MME: variants seen among roughly 807,000 people sequenced by gnomAD.
The protein encoded by MME is membrane metalloendopeptidase.
A neutral mutation model predicts 113.2 loss-of-function variants in MME; 98 were observed. The ratio of observed to expected loss-of-function variants is 0.87; its 90% CI spans 0.74 to 1.02. The LOEUF is 1.02. Among genes scored for constraint, MME ranks in the 50% least tolerant of loss-of-function variants. The pLI is 0.00. For missense variants in MME, 836 were observed against 896.0 expected, an observed-to-expected ratio of 0.93 and a Z score of 0.86; for synonymous variants, 292 against 300.6, an observed-to-expected ratio of 0.97 and a Z score of 0.30.
chr3:155,178,288 G>T (rs1019984073), intron 22 of MME, among the ~76,000 whole-genome samples: 5 of 152,248 alleles, frequency 3.3e-5, no homozygotes, highest in Admixed American at 2.6e-4. Flanking sequence ...AAAGATAGGA[G>T]AGTTGTGGTG....
At chr3:155,169,012 AGCC>A (rs1711616931) in intron 20 of MME, 5 of 518,426 alleles carry the variant, frequency 9.6e-6, no homozygotes, top group Admixed American at 3.4e-5. Context: ...GTTTGCAAAG[AGCC>A]AAGAAGAAGA....
chr3:155,089,975 G>A (rs886209926), intron 3 of MME: 24 of 330,076 alleles, frequency 7.3e-5, no homozygotes, highest in Admixed American at 6.4e-4. Flanking sequence ...AAAAGAAAAA[G>A]ACAACAGAGA....
chr3:155,079,639 T>TGGGGGGGGGGGGGGGG (rs1253428536), upstream of MME: 1 of 89,842 alleles, frequency 1.1e-5, no homozygotes, highest in Non-Finnish European at 2.1e-5. Context: ...GTGGGGGGGG[T>TGGGGGGGGGGGGGGGG]GGGCCGTGAG....
upstream of MME, among the ~76,000 whole-genome samples, chr3:155,074,782 G>GAT (rs1164325886): frequency 1.3e-5 from 2 of 151,966 alleles, no homozygotes; most frequent in East Asian, 3.9e-4. Context: ...ACAATTTCTA[G>GAT]ATATATATGT....
chr3:155,114,359 CAT>C (rs1181269694), intron 3 of MME, among the ~76,000 whole-genome samples: 1 of 152,136 alleles, frequency 6.6e-6, no homozygotes, highest in African/African-American at 2.4e-5. Context: ...GCATTTTCAT[CAT>C]AGTCCTGAAA....
At chr3:155,077,213 A>G (rs1028758442), upstream of MME, among the ~76,000 whole-genome samples, 11 of 152,188 alleles carry the variant, frequency 7.2e-5, no homozygotes, top group African/African-American at 2.4e-4. Flanking sequence ...GTGCATATAA[A>G]AATGCACTAT....
Position 155,183,390 on chromosome 3 carries a change from C to T in MME, c.*2931C>T, listed in dbSNP as rs552089065. 1 of 152,164 alleles carries T rather than the reference C, an allele frequency of 6.6e-6. No individual in the cohort carries two copies. The highest frequency in any genetic ancestry group is 2.1e-4 in the South Asian group (1 of 4,830). 9.4% of individuals were successfully genotyped at this position (152,164 alleles called of 1,614,324 possible). ...TGTCTCCCAGTTATGAATCAGTGGG[C>T]AGGATAAACTGAAAACTCCCATTTA... is the stretch of plus-strand genomic sequence containing the variant. On this transcript the variant is annotated 3_prime_UTR_variant, in exon 23 of 23. Coordinates refer to ENST00000360490, the MANE Select transcript of MME (RefSeq NM_007289.4).
At chr3:155,143,875 T>C (rs1721311200) in intron 13 of MME, among the ~76,000 whole-genome samples, 1 of 152,126 alleles carries the variant, frequency 6.6e-6, no homozygotes, top group Non-Finnish European at 1.5e-5. Context: ...TCTTCTATTA[T>C]CAAAATTGCC....
intron 8 of MME, among the ~76,000 whole-genome samples, chr3:155,128,489 G>T (rs1719870162): frequency 6.6e-6 from 1 of 152,098 alleles, no homozygotes; most frequent in African/African-American, 2.4e-5. Context: ...TTCAGTAGAG[G>T]AGTTATAAAT....
At chr3:155,178,129 C>A (rs1014185526) in intron 22 of MME, among the ~76,000 whole-genome samples, 3 of 152,154 alleles carry the variant, frequency 2.0e-5, no homozygotes, top group Non-Finnish European at 4.4e-5. Flanking sequence ...GGCCAATCAT[C>A]TCCCTGACAA....
In MME at chr3:155,140,616, CA is replaced by C. The variant is rs1721005785; in HGVS notation, c.957+326del. Among the ~76,000 whole-genome samples, 5 of 151,908 alleles carry C rather than the reference CA, an allele frequency of 3.3e-5. 1 individual carries two copies. In the South Asian group the frequency reaches 1.0e-3, roughly 32 times the overall value. On this transcript the variant is annotated intron_variant, in intron 10 of 22. Transcript: ENST00000360490. ...ATTTTTAGTAGAGATGAGGTTTGGCCAATCTGGTCTCGAACCCCTGAGCTCG... is the reference window on the plus strand; with the variant it reads ...ATTTTTAGTAGAGATGAGGTTTGGCCATCTGGTCTCGAACCCCTGAGCTCG...
chr3:155,067,028 A>G (rs60339637), intron 1 of MME, among the ~76,000 whole-genome samples: 8,642 of 152,208 alleles, frequency 0.057, 702 homozygotes, highest in African/African-American at 0.18. Context: ...AGAGACTATA[A>G]AGGAACCATG....
chr3:155,084,365 A>G, intron 2 of MME, 38 bp downstream of exon 2: 2 of 1,606,426 alleles, frequency 1.2e-6, no homozygotes, highest in Non-Finnish European at 1.7e-6. Context: ...ATAAGTGCAA[A>G]AGAGAAGGAA....
intron 1 of MME, among the ~76,000 whole-genome samples, chr3:155,071,977 A>C (rs944625766): frequency 2.0e-5 from 3 of 151,902 alleles, no homozygotes; most frequent in African/African-American, 7.3e-5. Context: ...CTGGCTAACA[A>C]GGTGAAACCC....
At chr3:155,162,677 A>G in intron 17 of MME, among the ~76,000 whole-genome samples, 1 of 152,042 alleles carries the variant, frequency 6.6e-6, no homozygotes, top group East Asian at 1.9e-4. Context: ...TCTTAACTAA[A>G]AATAGTTGAA....
At chr3:155,170,957 T>C (rs1204897925) in intron 20 of MME, among the ~76,000 whole-genome samples, 4 of 152,200 alleles carry the variant, frequency 2.6e-5, no homozygotes, top group Non-Finnish European at 4.4e-5. Context: ...AAATATTTTG[T>C]TCATCATTTA....
In MME at chr3:155,143,481, A is replaced by G. The variant is rs1158372621; in HGVS notation, c.1227A>G (p.Arg409=). The change falls in exon 13 of 23, where the codon AGA becomes AGG. Residue 409 remains arginine (R), a synonymous_variant. Coordinates refer to ENST00000360490, the MANE Select transcript of MME (RefSeq NM_007289.4). ...CAACCTCAGAAACAGCAACTTGGAGACGTTGTGCAAACTATGTCAATGGGA... is the reference window on the plus strand; with the variant it reads ...CAACCTCAGAAACAGCAACTTGGAGGCGTTGTGCAAACTATGTCAATGGGA... ...YGTTSETATW[R]RCANYVNGNM... 1 of 1,612,554 alleles carries G rather than the reference A, an allele frequency of 6.2e-7. No individual in the cohort carries two copies. Among genetic ancestry groups the G allele is most frequent in the Non-Finnish European group, 8.5e-7 (1 of 1,179,006 alleles).
At chr3:155,037,324 A>G (rs542874684) in intron 1 of MME, among the ~76,000 whole-genome samples, 1 of 152,292 alleles carries the variant, frequency 6.6e-6, no homozygotes, top group African/African-American at 2.4e-5. Flanking sequence ...ATTCTCACAA[A>G]ATTGCTCGGT....
chr3:155,139,966 T>A (rs917479551), intron 9 of MME, among the ~76,000 whole-genome samples: 1 of 152,194 alleles, frequency 6.6e-6, no homozygotes, highest in Non-Finnish European at 1.5e-5. Context: ...TTTTTAAAAA[T>A]TTTAAACTTG....
Sources: allele counts gnomAD v4.1 joint callset (sites outside exome capture counted in the v4.1 genomes callset), GRCh38; gene constraint gnomAD v4.1.1; transcripts MANE v1.5; gene names NCBI Gene and HGNC (gene_info 2026-07-23, HGNC 2026-07-21).